Variants in MED13L observed in about 807,000 individuals in gnomAD.
MED13L encodes mediator of RNA polymerase II transcription subunit 13-like.
Under a neutral mutation model 220.9 loss-of-function variants are expected in MED13L, and 7 were observed. The ratio of observed to expected loss-of-function variants is 0.03; its 90% CI spans 0.02 to 0.06. MED13L has a LOEUF of 0.06. Ranked by LOEUF, MED13L falls within the 10% of genes least tolerant of loss-of-function variation. The pLI, the probability that MED13L is intolerant of heterozygous loss-of-function variation, is 1.00. For missense variants in MED13L, 1,965 were observed against 2,760.5 expected (o/e 0.71, Z 6.46); for synonymous variants, 1,011 against 1,015.2 (o/e 1.00, Z 0.08).
At chr12:116,100,669 G>A (rs1286020923) in intron 3 of MED13L, among the ~76,000 whole-genome samples, 1 of 151,716 alleles carries the variant, frequency 6.6e-6, no homozygotes, top group Non-Finnish European at 1.5e-5. Flanking sequence ...CCAGCACTCT[G>A]GGGAGCCAAA....
intron 19 of MED13L, among the ~76,000 whole-genome samples, chr12:115,985,142 G>T (rs959946030): frequency 2.6e-5 from 4 of 152,124 alleles, no homozygotes; most frequent in Non-Finnish European, 5.9e-5. Context: ...ATTTAAAAGA[G>T]TGTCTGTCTG....
In MED13L at chr12:115,961,070, A is replaced by C; in HGVS notation, c.*196T>G. On this transcript the variant is annotated 3_prime_UTR_variant, in exon 31 of 31. Transcript: ENST00000281928. ...ACTTATGGAAGTTTCCAGGTCCATG[A>C]GAGAAGTGTCAAGGAGTCACTCTGG... 1 of 738,134 alleles carries C rather than the reference A, an allele frequency of 1.4e-6. No homozygotes were observed. The highest frequency in any genetic ancestry group is 2.3e-6 in the Non-Finnish European group (1 of 444,340). 45.7% of individuals were successfully genotyped at this position (738,134 alleles called of 1,614,324 possible). A position where few individuals can be genotyped will look rare whatever the true frequency, so the allele number is the denominator to read the frequency against.
chr12:116,124,577 GA>G (rs1007054773), intron 2 of MED13L, among the ~76,000 whole-genome samples: 3 of 151,406 alleles, frequency 2.0e-5, no homozygotes, highest in Admixed American at 6.6e-5. Flanking sequence ...CTCCAAGACA[GA>G]AAAAAAACTG....
intron 2 of MED13L, among the ~76,000 whole-genome samples, chr12:116,211,632 T>C (rs1211894124): frequency 6.6e-6 from 1 of 152,170 alleles, no homozygotes; most frequent in East Asian, 1.9e-4. Flanking sequence ...CAGAAATAAT[T>C]TTTATAATAT....
chr12:116,060,404 C>A (rs560505623), intron 4 of MED13L, among the ~76,000 whole-genome samples: 14 of 151,716 alleles, frequency 9.2e-5, no homozygotes, highest in African/African-American at 3.4e-4. Context: ...ACGGTAAAAC[C>A]CCGTCTCTAT....
Position 115,970,767 on chromosome 12 carries a change from G to C in MED13L, c.5894C>G (p.Ala1965Gly). The C allele has an allele frequency of 6.2e-7, 1 of 1,613,732 alleles. No individual in the cohort carries two copies. Residue 1965 changes from alanine to glycine, a missense_variant, in exon 27 of 31, where the codon GCT becomes GGT. Ala to Gly is a moderately conservative substitution (Grantham distance 60, BLOSUM62 0). This residue lies in a region of MED13L where 145 missense variants were observed against 328.3 expected (regional missense o/e 0.44). Coordinates refer to ENST00000281928, the MANE Select transcript of MED13L (RefSeq NM_015335.5). ...GCCAAAAACAGAGCCCATTGTGACA[G>C]CATCTTTAAAGAAAAAAATAGAATT... is the stretch of plus-strand genomic sequence containing the variant. ...PQGSFVVMPD[A>G]VTMGSVFGRS... is the part of the protein sequence containing the mutation.
intron 13 of MED13L, among the ~76,000 whole-genome samples, chr12:116,003,483 C>G (rs1878870483): frequency 6.6e-6 from 1 of 150,650 alleles, no homozygotes; most frequent in Non-Finnish European, 1.5e-5. Flanking sequence ...GGCATAATCT[C>G]AAGCCCTCCA....
intron 1 of MED13L, among the ~76,000 whole-genome samples, chr12:116,252,397 G>C (rs778989457): frequency 8.6e-5 from 13 of 152,042 alleles, no homozygotes; most frequent in Non-Finnish European, 1.6e-4. Flanking sequence ...AAATTAGCCA[G>C]GTGTGGTGGC....
At chr12:116,235,572 A>T (rs1318010747) in intron 2 of MED13L, among the ~76,000 whole-genome samples, 3 of 152,140 alleles carry the variant, frequency 2.0e-5, no homozygotes, top group Non-Finnish European at 4.4e-5. Context: ...CTGTAATTTT[A>T]AAAATATCTA....
In MED13L at chr12:116,113,816, G is replaced by A. The variant is rs1475455834; in HGVS notation, c.311-2304C>T. On this transcript the variant is annotated intron_variant, in intron 2 of 30. Transcript: ENST00000281928. The stretch of plus-strand genomic sequence containing the variant: ...GAAGAGGGAGAGGGGAGGGAGGGGG[G>A]AAGAGGGAGAGGGGAGGGAGGGGGG... Among the ~76,000 whole-genome samples the A allele has an allele frequency of 1.9e-4, 11 of 59,172 alleles. No homozygotes were observed. In the Admixed American group the frequency reaches 2.3e-3, roughly 12 times the overall value. 38.8% of individuals were successfully genotyped at this position (59,172 alleles called of 152,430 possible). A position where few individuals can be genotyped will look rare whatever the true frequency, so the allele number is the denominator to read the frequency against.
At chr12:116,256,351 T>C (rs543524872) in intron 1 of MED13L, among the ~76,000 whole-genome samples, 2 of 150,086 alleles carry the variant, frequency 1.3e-5, no homozygotes, top group South Asian at 4.2e-4. Context: ...GATTACATAC[T>C]ATATGATTCC....
chr12:116,239,619 T>C (rs1870430156), intron 1 of MED13L, among the ~76,000 whole-genome samples: 1 of 152,258 alleles, frequency 6.6e-6, no homozygotes, highest in African/African-American at 2.4e-5. Context: ...TCCACTACTG[T>C]AATTACTATA....
In MED13L at chr12:116,148,051, C is replaced by CAAAAAAAAAAAAAA. The variant is rs10678970; in HGVS notation, c.311-36553_311-36540dup. 1.3e-3 allele frequency among the ~76,000 whole-genome samples: 23 copies of CAAAAAAAAAAAAAA among 18,138 alleles called. 2 individuals carry two copies. The highest frequency in any genetic ancestry group is 3.9e-3 in the East Asian group (2 of 512). The allele number at this position is 18,138 out of a possible 152,430, so 11.9% of individuals were successfully genotyped here. A position where few individuals can be genotyped will look rare whatever the true frequency, so the allele number is the denominator to read the frequency against. On this transcript the variant is annotated intron_variant, in intron 2 of 30. Coordinates refer to ENST00000281928, the MANE Select transcript of MED13L (RefSeq NM_015335.5). ...TGGGCTACAGAGCAAGACCCCATCTCAAAAAAAAAAAAAAAAAAAAAAAGA... is the reference window on the plus strand; with the variant it reads ...TGGGCTACAGAGCAAGACCCCATCTCAAAAAAAAAAAAAAAAAAAAAAAAAAAAAAAAAAAAAGA...
intron 2 of MED13L, among the ~76,000 whole-genome samples, chr12:116,124,152 C>CAGAGAGAGACAGAGAGAGAGAG (rs1555213761): frequency 9.2e-6 from 1 of 108,692 alleles, no homozygotes; most frequent in African/African-American, 3.1e-5. Flanking sequence ...GAGAGAGAGA[C>CAGAGAGAGACAGAGAGAGAGAG]AGAGACAGAG....
In MED13L at chr12:115,958,713, G is replaced by A. The variant is rs1875570049; in HGVS notation, c.*2553C>T. On this transcript the variant is annotated 3_prime_UTR_variant, in exon 31 of 31. Coordinates refer to ENST00000281928, the MANE Select transcript of MED13L (RefSeq NM_015335.5). ...TTTTATCAAAGTCTTTTAGTGTACTGTACCAGCGCTATACTGTAGTTATTT... is the reference window on the plus strand; with the variant it reads ...TTTTATCAAAGTCTTTTAGTGTACTATACCAGCGCTATACTGTAGTTATTT... 1 of 152,378 alleles carries A rather than the reference G, an allele frequency of 6.6e-6. No individual in the cohort carries two copies. Among genetic ancestry groups the A allele is most frequent in the Non-Finnish European group, 1.5e-5 (1 of 68,032 alleles). 9.4% of individuals were successfully genotyped at this position (152,378 alleles called of 1,614,324 possible).
intron 11 of MED13L, 72 bp from the exon 12 acceptor site, chr12:116,006,483 A>C (rs1353035621): frequency 8.5e-7 from 1 of 1,182,538 alleles, no homozygotes; most frequent in Non-Finnish European, 1.3e-6. Context: ...GGAGAACACA[A>C]AGAATTAGAG....
chr12:115,977,645 T>C (rs1877025712), intron 23 of MED13L, among the ~76,000 whole-genome samples: 1 of 152,174 alleles, frequency 6.6e-6, no homozygotes, highest in Non-Finnish European at 1.5e-5. Context: ...TACTGGTACA[T>C]GTTATGACAT....
intron 3 of MED13L, among the ~76,000 whole-genome samples, chr12:116,106,501 A>C (rs775758550): frequency 1.3e-5 from 2 of 152,146 alleles, no homozygotes; most frequent in Non-Finnish European, 2.9e-5. Flanking sequence ...GATAAAAAGA[A>C]CTCTTTGGAA....
intron 22 of MED13L, 142 bp downstream of exon 22, chr12:115,982,242 A>C: frequency 1.2e-6 from 1 of 856,458 alleles, no homozygotes; most frequent in Non-Finnish European, 1.8e-6. Context: ...GGAAATCCAA[A>C]ACACTCTGGT....
Sources: allele counts gnomAD v4.1 joint callset (sites outside exome capture counted in the v4.1 genomes callset), GRCh38; gene constraint gnomAD v4.1.1; regional missense constraint gnomAD v4.1.1; transcripts MANE v1.5; gene names NCBI Gene and HGNC (gene_info 2026-07-23, HGNC 2026-07-21).